Variants in KDM4B observed in about 807,000 individuals in gnomAD.
The protein encoded by KDM4B is lysine demethylase 4B, also known as lysine-specific demethylase 4B.
In KDM4B, 32 loss-of-function variants were observed where a neutral mutation model predicts 125.2. The ratio of observed to expected loss-of-function variants is 0.26; its 90% confidence interval spans 0.19 to 0.34. The LOEUF (loss-of-function observed/expected upper bound fraction) is 0.34. Among genes scored for constraint, KDM4B ranks in the 10% least tolerant of loss-of-function variants. The pLI is 1.00. For synonymous variants in KDM4B, 721 were observed against 677.9 expected (o/e 1.06, Z -0.99); for missense variants, 1,190 against 1,577.7 (o/e 0.75, Z 4.16).
intron 18 of KDM4B, among the ~76,000 whole-genome samples, chr19:5,143,180 CA>C (rs1209284815): frequency 1.3e-5 from 2 of 152,028 alleles, no homozygotes; most frequent in African/African-American, 4.8e-5. Flanking sequence ...AAAAATTAGC[CA>C]GGCATGATGG....
At chr19:5,007,954 G>C (rs1368148039) in intron 1 of KDM4B, among the ~76,000 whole-genome samples, 1 of 152,142 alleles carries the variant, frequency 6.6e-6, no homozygotes, top group Non-Finnish European at 1.5e-5. Flanking sequence ...AAGCCACGAA[G>C]GTTTAATCCT....
At position 4,977,789 on chromosome 19, in the gene KDM4B, C is replaced by T. The variant is rs114292473; in HGVS notation, c.-109+8559C>T. Among the ~76,000 whole-genome samples the T allele has an allele frequency of 6.6e-3, 999 of 152,282 alleles. 8 individuals are homozygous for T. Among genetic ancestry groups the T allele is most frequent in the African/African-American group, 0.023 (958 of 41,576 alleles). Reference sequence around the variant, plus strand: ...GACTCAGGACTGCAGCATGTCTGGGCAGCAGCCTGGAAGCTGGCCAGCCTC... The same window carrying T: ...GACTCAGGACTGCAGCATGTCTGGGTAGCAGCCTGGAAGCTGGCCAGCCTC... On this transcript the variant is annotated intron_variant, in intron 1 of 22. Coordinates refer to ENST00000159111, the MANE Select transcript of KDM4B (RefSeq NM_015015.3).
intron 10 of KDM4B, among the ~76,000 whole-genome samples, chr19:5,111,115 G>C (rs867026362): frequency 6.6e-6 from 1 of 152,044 alleles, no homozygotes; most frequent in African/African-American, 2.4e-5. Flanking sequence ...TCATGTCCCC[G>C]CCAGGAGGCT....
chr19:5,029,094 A>G (rs1165526088), intron 2 of KDM4B, among the ~76,000 whole-genome samples: 1 of 152,162 alleles, frequency 6.6e-6, no homozygotes, highest in Non-Finnish European at 1.5e-5. Context: ...TATTTTTTAT[A>G]GAGACGGAGT....
chr19:5,006,730 G>T (rs1023080125), intron 1 of KDM4B, among the ~76,000 whole-genome samples: 1 of 151,640 alleles, frequency 6.6e-6, no homozygotes, highest in Admixed American at 6.6e-5. Flanking sequence ...CTGAGATCAT[G>T]CCGTTGCACT....
chr19:5,106,366 G>A (rs1173695689), intron 9 of KDM4B, among the ~76,000 whole-genome samples: 1 of 152,160 alleles, frequency 6.6e-6, no homozygotes. Flanking sequence ...GGAGATTAGG[G>A]ATGAGCTTGC....
chr19:5,041,267 C>G lies in KDM4B; in HGVS notation c.432+16C>G. On this transcript the variant is annotated intron_variant, in intron 5 of 22. Transcript: ENST00000159111. ...GTATGATGACGTAAGTATGAGGCTC[C>G]GGGGAAGAACAGGGACCAGCTTCCT... 1 of 1,590,364 alleles carries G rather than the reference C, an allele frequency of 6.3e-7. No homozygotes were observed. Among genetic ancestry groups the G allele is most frequent in the Non-Finnish European group, 8.6e-7 (1 of 1,159,810 alleles).
chr19:5,145,575 G>A (rs1054119141), intron 21 of KDM4B, among the ~76,000 whole-genome samples: 5 of 152,120 alleles, frequency 3.3e-5, no homozygotes, highest in African/African-American at 4.8e-5. Flanking sequence ...GTGACAGAGC[G>A]AGACTCAGCC....
chr19:4,990,322 T>C (rs560125796), intron 1 of KDM4B, among the ~76,000 whole-genome samples: 32 of 152,208 alleles, frequency 2.1e-4, no homozygotes, highest in African/African-American at 7.7e-4. Context: ...AACCTTGGTG[T>C]TAGAGCAGTT....
intron 9 of KDM4B, among the ~76,000 whole-genome samples, chr19:5,087,966 T>C (rs1227500776): frequency 6.6e-6 from 1 of 152,154 alleles, no homozygotes; most frequent in Non-Finnish European, 1.5e-5. Context: ...GTCTCCTGTG[T>C]AGGAATCTCA....
At chr19:5,068,477 G>A (rs1047065817) in intron 6 of KDM4B, among the ~76,000 whole-genome samples, 1 of 152,248 alleles carries the variant, frequency 6.6e-6, no homozygotes, top group Non-Finnish European at 1.5e-5. Context: ...TTTCAGCCCT[G>A]TGTGGACGGA....
chr19:4,985,715 T>A (rs1025449264), intron 1 of KDM4B, among the ~76,000 whole-genome samples: 13 of 152,224 alleles, frequency 8.5e-5, no homozygotes, highest in African/African-American at 3.1e-4. Flanking sequence ...GGTGAGCGGA[T>A]GAGCTGGTGC....
At chr19:5,019,590 G>A (rs1364952857) in intron 2 of KDM4B, among the ~76,000 whole-genome samples, 1 of 151,130 alleles carries the variant, frequency 6.6e-6, no homozygotes, top group Admixed American at 6.6e-5. Context: ...AGGTGTTGGT[G>A]TGCGGGTGTT....
At chr19:5,003,752 T>G (rs911415504) in intron 1 of KDM4B, among the ~76,000 whole-genome samples, 1 of 152,092 alleles carries the variant, frequency 6.6e-6, no homozygotes, top group Non-Finnish European at 1.5e-5. Flanking sequence ...GAGGTTGTAG[T>G]GAGCTGAGAT....
chr19:5,132,335 T>C (rs937288020), intron 13 of KDM4B, among the ~76,000 whole-genome samples: 5 of 151,728 alleles, frequency 3.3e-5, no homozygotes, highest in African/African-American at 1.2e-4. Context: ...CTTGGAGAGG[T>C]TGGAACAAAA....
At chr19:5,118,438 A>G (rs1005556455) in intron 10 of KDM4B, among the ~76,000 whole-genome samples, 3 of 152,128 alleles carry the variant, frequency 2.0e-5, no homozygotes, top group African/African-American at 7.2e-5. Flanking sequence ...CTCATGGCCT[A>G]GAGAGGCCCC....
At chr19:5,117,062 C>T (rs945853531) in intron 10 of KDM4B, among the ~76,000 whole-genome samples, 1 of 152,142 alleles carries the variant, frequency 6.6e-6, no homozygotes, top group Admixed American at 6.5e-5. Flanking sequence ...TGTGTCTGTG[C>T]CGCCCTTGCT....
At chr19:5,132,103 C>T (rs1043173479) in intron 13 of KDM4B, 96 bp downstream of exon 13, 1 of 1,413,364 alleles carries the variant, frequency 7.1e-7, no homozygotes, top group Admixed American at 2.6e-5. Flanking sequence ...CTTCCTTCCC[C>T]CACTTCCTGG....
At chr19:5,146,802 A>G (rs1174535158) in intron 21 of KDM4B, among the ~76,000 whole-genome samples, 4 of 132,770 alleles carry the variant, frequency 3.0e-5, no homozygotes, top group Admixed American at 8.4e-5. Flanking sequence ...TTAGCTGGGC[A>G]TGGTAGTGTG....
Sources: gnomAD v4.1 joint callset for allele counts (sites outside exome capture counted in the v4.1 genomes callset) on GRCh38, gnomAD v4.1.1 for gene constraint, MANE v1.5 for transcripts, NCBI Gene and HGNC (gene_info 2026-07-23, HGNC 2026-07-21) for gene names.